TMEM108: variants seen among roughly 807,000 people sequenced by gnomAD.
The protein encoded by TMEM108 is cancer/testis antigen 124.
A neutral mutation model predicts 35.1 loss-of-function variants in TMEM108; 12 were observed. The observed-to-expected ratio is 0.34, with a 90% CI of 0.22 to 0.55. TMEM108 has a LOEUF of 0.55. Ranked by LOEUF, TMEM108 falls within the 20% of genes least tolerant of loss-of-function variation. TMEM108 has a pLI of 0.89. For synonymous variants in TMEM108, 287 were observed against 308.6 expected (o/e 0.93, Z 0.73); for missense variants, 680 against 753.3 (o/e 0.90, Z 1.14).
intron 2 of TMEM108, among the ~76,000 whole-genome samples, chr3:133,227,540 A>C (rs1273885168): frequency 6.6e-6 from 1 of 151,538 alleles, no homozygotes; most frequent in African/African-American, 2.4e-5. Context: ...AGGTAGGTAG[A>C]ATTCTTATTA....
intron 3 of TMEM108, among the ~76,000 whole-genome samples, chr3:133,236,483 A>G (rs1161982965): frequency 3.3e-5 from 5 of 151,950 alleles, no homozygotes; most frequent in Admixed American, 6.6e-5. Flanking sequence ...ATACGCACAA[A>G]CACACACACA....
chr3:133,120,247 T>C (rs758016268), intron 2 of TMEM108, among the ~76,000 whole-genome samples: 1 of 152,204 alleles, frequency 6.6e-6, no homozygotes, highest in Non-Finnish European at 1.5e-5. Context: ...TATCAAGCAG[T>C]CTGTATTATA....
intron 2 of TMEM108, among the ~76,000 whole-genome samples, chr3:133,075,562 T>C (rs530832402): frequency 6.6e-6 from 1 of 152,240 alleles, no homozygotes; most frequent in South Asian, 2.1e-4. Context: ...CCATCACTAG[T>C]TTTCTGTTGT....
At chr3:133,157,655 A>G (rs934209082) in intron 2 of TMEM108, among the ~76,000 whole-genome samples, 10 of 152,322 alleles carry the variant, frequency 6.6e-5, no homozygotes, top group Non-Finnish European at 1.3e-4. Context: ...AGTACTTTTA[A>G]CAAGTTAAGG....
intron 3 of TMEM108, among the ~76,000 whole-genome samples, chr3:133,302,371 A>G (rs1947238100): frequency 6.6e-6 from 1 of 151,600 alleles, no homozygotes; most frequent in South Asian, 2.1e-4. Flanking sequence ...ACACTTAAAA[A>G]TGTAAAATTT....
rs772671074 is a variant in TMEM108 at position 133,229,286 on chromosome 3, G to A, written c.-26G>A. ...CCTAGACAGAATCATGAATAAACTG[G>A]AGGATAAGCAGGACCAGATGATACC... is the stretch of plus-strand genomic sequence containing the variant. On this transcript the variant is annotated 5_prime_UTR_variant, in exon 3 of 6. Transcript: ENST00000321871. 2 of 1,606,722 alleles carry A rather than the reference G, an allele frequency of 1.2e-6. No homozygotes were observed. The highest frequency in any genetic ancestry group is 3.4e-5 in the Admixed American group (2 of 58,916).
chr3:133,189,672 G>A (rs73215591), intron 2 of TMEM108, among the ~76,000 whole-genome samples: 8,940 of 152,204 alleles, frequency 0.059, 331 homozygotes, highest in Non-Finnish European at 0.091. Flanking sequence ...GTTCTAAAGA[G>A]ATTGGTTTAT....
chr3:133,361,548 C>G (rs940857503), intron 3 of TMEM108, among the ~76,000 whole-genome samples: 1 of 152,156 alleles, frequency 6.6e-6, no homozygotes, highest in Non-Finnish European at 1.5e-5. Context: ...CTGGAAAATA[C>G]TTAGTGGGGA....
At chr3:133,230,646 T>C (rs1278924515) in intron 3 of TMEM108, among the ~76,000 whole-genome samples, 1 of 151,896 alleles carries the variant, frequency 6.6e-6, no homozygotes, top group East Asian at 1.9e-4. Flanking sequence ...CAGAGAAGGG[T>C]AGGAAGGCTT....
At chr3:133,230,452 C>G (rs1269581403) in intron 3 of TMEM108, among the ~76,000 whole-genome samples, 1 of 152,188 alleles carries the variant, frequency 6.6e-6, no homozygotes, top group Non-Finnish European at 1.5e-5. Flanking sequence ...TGTTCCTTTT[C>G]CATGTGTTCT....
chr3:133,090,738 A>G (rs920667324), intron 2 of TMEM108, among the ~76,000 whole-genome samples: 6 of 152,168 alleles, frequency 3.9e-5, no homozygotes, highest in African/African-American at 1.4e-4. Context: ...TTACATGCAT[A>G]TAGGGATATA....
intron 2 of TMEM108, among the ~76,000 whole-genome samples, chr3:133,121,576 T>C (rs1306726488): frequency 6.6e-6 from 1 of 152,220 alleles, no homozygotes; most frequent in Non-Finnish European, 1.5e-5. Flanking sequence ...CATCTGTCTA[T>C]GAAGGTGCTC....
At chr3:133,053,592 A>G (rs1943431858) in intron 2 of TMEM108, among the ~76,000 whole-genome samples, 1 of 152,256 alleles carries the variant, frequency 6.6e-6, no homozygotes, top group Non-Finnish European at 1.5e-5. Context: ...GCACGAGAAA[A>G]TAAGGAAAAC....
At chr3:133,279,080 C>T (rs1334871825) in intron 3 of TMEM108, among the ~76,000 whole-genome samples, 1 of 152,180 alleles carries the variant, frequency 6.6e-6, no homozygotes, top group African/African-American at 2.4e-5. Context: ...TTTGCCTATT[C>T]AGACTATCGA....
chr3:133,189,845 G>A (rs1945473602), intron 2 of TMEM108, among the ~76,000 whole-genome samples: 1 of 152,180 alleles, frequency 6.6e-6, no homozygotes. Context: ...TGTTTTACAT[G>A]CATGTGAGTT....
Position 133,051,837 on chromosome 3 carries a change from A to G in TMEM108, c.-47+5817A>G, listed in dbSNP as rs150964812. ...ATGTAGGTATATTTCTAGGCTCTCT[A>G]TTCTGTTCTATTGGTCTATAGGTCT... On this transcript the variant is annotated intron_variant, in intron 2 of 5. Transcript: ENST00000321871. Among the ~76,000 whole-genome samples, 481 of 152,176 alleles carry G rather than the reference A, an allele frequency of 3.2e-3. 5 individuals carry two copies. The highest frequency in any genetic ancestry group is 0.011 in the African/African-American group (458 of 41,530).
At chr3:133,297,688 T>G (rs1265603762) in intron 3 of TMEM108, among the ~76,000 whole-genome samples, 1 of 152,164 alleles carries the variant, frequency 6.6e-6, no homozygotes, top group Non-Finnish European at 1.5e-5. Context: ...GCTGAGGCAA[T>G]CTCTGAGGTT....
intron 2 of TMEM108, among the ~76,000 whole-genome samples, chr3:133,140,796 T>G (rs1424229487): frequency 6.6e-6 from 1 of 152,212 alleles, no homozygotes; most frequent in African/African-American, 2.4e-5. Context: ...GAAGTCTGGC[T>G]CTAAGAATGG....
chr3:133,338,176 A>G (rs796569142), intron 3 of TMEM108, among the ~76,000 whole-genome samples: 3 of 152,000 alleles, frequency 2.0e-5, no homozygotes, highest in Admixed American at 2.0e-4. Flanking sequence ...TCCCAAACCT[A>G]GAGAAAGATA....
Sources: gnomAD v4.1 joint callset for allele counts (sites outside exome capture counted in the v4.1 genomes callset) on GRCh38, gnomAD v4.1.1 for gene constraint, MANE v1.5 for transcripts, NCBI Gene and HGNC (gene_info 2026-07-23, HGNC 2026-07-21) for gene names.